Variants in TMEM108 observed in about 807,000 individuals in gnomAD.
TMEM108 encodes the protein cancer/testis antigen 124.
In TMEM108, 12 loss-of-function variants were observed where a neutral mutation model predicts 35.1. The ratio of observed to expected loss-of-function variants is 0.34; its 90% CI spans 0.22 to 0.55. TMEM108 has a LOEUF of 0.55. TMEM108 is among the 20% of genes least tolerant of loss of function. TMEM108 has a pLI of 0.89. For missense variants in TMEM108, 680 were observed against 753.3 expected, an observed-to-expected ratio of 0.90 and a Z score of 1.14; for synonymous variants, 287 against 308.6, an observed-to-expected ratio of 0.93 and a Z score of 0.73.
chr3:133,185,471 C>T (rs527797363), intron 2 of TMEM108, among the ~76,000 whole-genome samples: 3 of 150,746 alleles, frequency 2.0e-5, no homozygotes, highest in East Asian at 3.9e-4. Flanking sequence ...AGGCTTCTCC[C>T]GTTCTATGCT....
chr3:133,115,069 T>C (rs1322008008), intron 2 of TMEM108, among the ~76,000 whole-genome samples: 1 of 152,178 alleles, frequency 6.6e-6, no homozygotes, highest in African/African-American at 2.4e-5. Context: ...GAACAAATGA[T>C]AGTCTTGATA....
At chr3:133,309,810 C>G (rs2071099052) in intron 3 of TMEM108, among the ~76,000 whole-genome samples, 1 of 149,530 alleles carries the variant, frequency 6.7e-6, no homozygotes, top group African/African-American at 2.5e-5. Flanking sequence ...ACGCTATTCT[C>G]CTGCCTCAGC....
chr3:133,385,794 T>G (rs2073132978), intron 4 of TMEM108, among the ~76,000 whole-genome samples: 2 of 152,242 alleles, frequency 1.3e-5, no homozygotes, highest in African/African-American at 4.8e-5. Flanking sequence ...GCTGTAGGAC[T>G]TACACAAGTA....
intron 3 of TMEM108, among the ~76,000 whole-genome samples, chr3:133,272,312 T>TGTGTGTGTGTGTGTG (rs1553755045): frequency 4.2e-5 from 6 of 141,816 alleles, no homozygotes; most frequent in Non-Finnish European, 7.9e-5. Context: ...TGTGTGTGTG[T>TGTGTGTGTGTGTGTG]TTCCTAAAGG....
At chr3:133,348,793 G>A (rs1215966880) in intron 3 of TMEM108, among the ~76,000 whole-genome samples, 2 of 152,144 alleles carry the variant, frequency 1.3e-5, no homozygotes, top group Non-Finnish European at 1.5e-5. Context: ...TTCAAGAGGG[G>A]ACCTGAGTGG....
At chr3:133,126,812 C>T (rs1381692028) in intron 2 of TMEM108, among the ~76,000 whole-genome samples, 5 of 152,196 alleles carry the variant, frequency 3.3e-5, no homozygotes, top group African/African-American at 1.2e-4. Flanking sequence ...TGTACACATC[C>T]TCCCATATAT....
At chr3:133,100,461 G>A (rs1262907183) in intron 2 of TMEM108, among the ~76,000 whole-genome samples, 1 of 152,098 alleles carries the variant, frequency 6.6e-6, no homozygotes, top group Non-Finnish European at 1.5e-5. Flanking sequence ...AAAATTAGCT[G>A]GGCATAGCAG....
At chr3:133,278,288 C>G (rs1428165606) in intron 3 of TMEM108, among the ~76,000 whole-genome samples, 1 of 152,158 alleles carries the variant, frequency 6.6e-6, no homozygotes, top group African/African-American at 2.4e-5. Context: ...CTGGCTCTGC[C>G]ACTTAGTAGC....
intron 2 of TMEM108, among the ~76,000 whole-genome samples, chr3:133,056,355 G>A (rs1436976690): frequency 6.6e-6 from 1 of 152,100 alleles, no homozygotes; most frequent in East Asian, 1.9e-4. Flanking sequence ...TTTGAGTCCT[G>A]TGGCCAGATA....
At chr3:133,312,671 C>G (rs148371746) in intron 3 of TMEM108, among the ~76,000 whole-genome samples, 1 of 152,206 alleles carries the variant, frequency 6.6e-6, no homozygotes. Flanking sequence ...ATCCCCTGAC[C>G]CCTTGTGCTT....
chr3:133,080,324 C>G (rs1322483797), intron 2 of TMEM108, among the ~76,000 whole-genome samples: 2 of 152,116 alleles, frequency 1.3e-5, no homozygotes, highest in Non-Finnish European at 2.9e-5. Context: ...ATTTCAAACT[C>G]TTTGAGTTGT....
chr3:133,231,598 T>A (rs1576398654), intron 3 of TMEM108, among the ~76,000 whole-genome samples: 1 of 152,128 alleles, frequency 6.6e-6, no homozygotes, highest in Admixed American at 6.5e-5. Flanking sequence ...AGTCCCAGAA[T>A]AATACGCATG....
intron 2 of TMEM108, among the ~76,000 whole-genome samples, chr3:133,198,882 G>A (rs1351072179): frequency 6.6e-6 from 1 of 152,172 alleles, no homozygotes; most frequent in Non-Finnish European, 1.5e-5. Context: ...CTCCTGCAGA[G>A]TGTTTTCCAA....
intron 2 of TMEM108, among the ~76,000 whole-genome samples, chr3:133,176,588 AG>A (rs1945233380): frequency 6.6e-6 from 1 of 152,188 alleles, no homozygotes; most frequent in African/African-American, 2.4e-5. Flanking sequence ...AACGAAATGA[AG>A]GCAGAAATAA....
chr3:133,310,068 TTTCTGTTC>T (rs1199022905), intron 3 of TMEM108, among the ~76,000 whole-genome samples: 1 of 152,186 alleles, frequency 6.6e-6, no homozygotes, highest in Non-Finnish European at 1.5e-5. Flanking sequence ...TTTGTTGTGA[TTTCTGTTC>T]TTTTACATTT....
At chr3:133,255,288 A>C (rs1043290368) in intron 3 of TMEM108, among the ~76,000 whole-genome samples, 1 of 152,236 alleles carries the variant, frequency 6.6e-6, no homozygotes, top group African/African-American at 2.4e-5. Flanking sequence ...CTGAAACAAA[A>C]GATGGAAATA....
chr3:133,045,223 C>A (rs1307975502), intron 1 of TMEM108, among the ~76,000 whole-genome samples: 1 of 152,140 alleles, frequency 6.6e-6, no homozygotes. Context: ...CCACCTCAAC[C>A]TCCCAAAGTG....
intron 2 of TMEM108, among the ~76,000 whole-genome samples, chr3:133,204,578 C>T (rs994503188): frequency 6.6e-6 from 1 of 152,146 alleles, no homozygotes; most frequent in Non-Finnish European, 1.5e-5. Flanking sequence ...CATTCAGGAG[C>T]AGGTTGTTCA....
intron 2 of TMEM108, among the ~76,000 whole-genome samples, chr3:133,059,081 C>A (rs956683202): frequency 1.3e-5 from 2 of 152,218 alleles, no homozygotes; most frequent in East Asian, 3.8e-4. Context: ...GTCCTCCTCA[C>A]ATAGTGAAAA....
Sources: allele counts gnomAD v4.1 joint callset (sites outside exome capture counted in the v4.1 genomes callset), GRCh38; gene constraint gnomAD v4.1.1; transcripts MANE v1.5; gene names NCBI Gene and HGNC (gene_info 2026-07-23, HGNC 2026-07-21).